SLC35F4: variants seen among roughly 807,000 people sequenced by gnomAD.
The protein encoded by SLC35F4 is solute carrier family 35 member F4.
In SLC35F4, 24 loss-of-function variants were observed where a neutral mutation model predicts 44.2. The observed-to-expected ratio is 0.54, with a 90% CI of 0.39 to 0.76. The LOEUF is 0.76. Among genes scored for constraint, SLC35F4 ranks in the 30% least tolerant of loss-of-function variants. The pLI, the probability that SLC35F4 is intolerant of heterozygous loss-of-function variation, is 0.00. For synonymous variants in SLC35F4, 238 were observed against 223.6 expected (o/e 1.06, Z -0.57); for missense variants, 562 against 586.1 (o/e 0.96, Z 0.42).
intron 1 of SLC35F4, among the ~76,000 whole-genome samples, chr14:57,928,450 T>C (rs777727942): frequency 6.6e-6 from 1 of 152,150 alleles, no homozygotes; most frequent in African/African-American, 2.4e-5. Context: ...GAGCCGGAAC[T>C]CCCACACCCA....
intron 1 of SLC35F4, among the ~76,000 whole-genome samples, chr14:57,772,170 G>A (rs1770123307): frequency 6.6e-6 from 1 of 152,162 alleles, no homozygotes; most frequent in South Asian, 2.1e-4. Flanking sequence ...CTGTCAGAAA[G>A]CAAAATGCCA....
intron 1 of SLC35F4, among the ~76,000 whole-genome samples, chr14:57,937,873 G>A (rs2141070894): frequency 6.6e-6 from 1 of 152,176 alleles, no homozygotes; most frequent in South Asian, 2.1e-4. Context: ...GCAGCATCAA[G>A]TCACATATTA....
In SLC35F4 at chr14:57,783,881, A is replaced by G. The variant is rs374416019; in HGVS notation, c.103+81842T>C. On this transcript the variant is annotated intron_variant, in intron 1 of 7. Transcript: ENST00000556826. ...TATTCTATGAAAGATTGTCAACACT[A>G]TGGAAGAGAACCCTGACAGAGAGAA... Among the ~76,000 whole-genome samples, 159 of 152,318 alleles carry G rather than the reference A, an allele frequency of 1.0e-3. No homozygotes were observed. The South Asian group carries it at 0.011, about 11-fold the overall frequency.
intron 1 of SLC35F4, among the ~76,000 whole-genome samples, chr14:57,952,348 C>T (rs1890157063): frequency 6.6e-6 from 1 of 152,218 alleles, no homozygotes; most frequent in South Asian, 2.1e-4. Context: ...CACAAAAAGG[C>T]TGAAAATTCC....
Position 57,922,134 on chromosome 14 carries a change from C to A in SLC35F4, n.282+59779G>T, listed in dbSNP as rs1199190403. Among the ~76,000 whole-genome samples the A allele has an allele frequency of 2.0e-5, 3 of 152,138 alleles. No individual in the cohort carries two copies. In the East Asian group the frequency reaches 5.8e-4, roughly 29 times the overall value. On this transcript the variant is annotated intron_variant and non_coding_transcript_variant, in intron 1 of 1. Transcript: ENST00000556568. ...CAATGGATCCCACTGCAGGGTGCAA[C>A]CCTCTGGGCCAGGTCACAGGGAGCT...
chr14:57,686,490 C>T (rs2075072220), intron 1 of SLC35F4, among the ~76,000 whole-genome samples: 2 of 152,170 alleles, frequency 1.3e-5, no homozygotes, highest in Non-Finnish European at 2.9e-5. Flanking sequence ...TTTAACAGCT[C>T]CCTCCTCTCC....
upstream of SLC35F4, chr14:57,866,130 G>T (rs1025149232): frequency 1.1e-5 from 2 of 181,140 alleles, no homozygotes; most frequent in Admixed American, 6.3e-5. Flanking sequence ...GTGGCCGGGG[G>T]CGGGTGTGGG....
chr14:57,727,682 C>A (rs79365640), intron 1 of SLC35F4, among the ~76,000 whole-genome samples: 1 of 151,980 alleles, frequency 6.6e-6, no homozygotes, highest in East Asian at 1.9e-4. Context: ...AATTTCTATG[C>A]GTTTTTATAG....
At chr14:57,979,423 C>G (rs751300765) in intron 1 of SLC35F4, among the ~76,000 whole-genome samples, 1 of 152,150 alleles carries the variant, frequency 6.6e-6, no homozygotes. Flanking sequence ...AATTCTTATT[C>G]CAGCTGGTGT....
upstream of SLC35F4, among the ~76,000 whole-genome samples, chr14:57,868,031 CT>C (rs1422166412): frequency 6.6e-6 from 1 of 152,098 alleles, no homozygotes; most frequent in African/African-American, 2.4e-5. Flanking sequence ...CTTCTTCCTG[CT>C]TTTGCTTTAT....
intron 1 of SLC35F4, among the ~76,000 whole-genome samples, chr14:57,638,582 G>T (rs967461713): frequency 2.0e-5 from 3 of 152,070 alleles, no homozygotes; most frequent in African/African-American, 7.2e-5. Context: ...CCAAACTGCA[G>T]GGTGAACCCT....
chr14:57,795,396 T>C (rs1318610926), intron 1 of SLC35F4, among the ~76,000 whole-genome samples: 1 of 152,170 alleles, frequency 6.6e-6, no homozygotes, highest in African/African-American at 2.4e-5. Flanking sequence ...AAGAACCTAA[T>C]GTGCATAAGG....
intron 1 of SLC35F4, among the ~76,000 whole-genome samples, chr14:57,905,038 GT>G (rs1351823153): frequency 6.6e-6 from 1 of 152,218 alleles, no homozygotes; most frequent in Admixed American, 6.5e-5. Context: ...ATAATCTCAT[GT>G]TATGTGGGTC....
At chr14:57,715,276 C>G (rs574904384) in intron 1 of SLC35F4, among the ~76,000 whole-genome samples, 1 of 152,132 alleles carries the variant, frequency 6.6e-6, no homozygotes, top group African/African-American at 2.4e-5. Flanking sequence ...GTTCAGATGG[C>G]TAACCACAAG....
chr14:57,588,794 A>AT (rs1230161377), intron 3 of SLC35F4, among the ~76,000 whole-genome samples: 3 of 152,162 alleles, frequency 2.0e-5, no homozygotes, highest in East Asian at 1.9e-4. Context: ...TATTAATACC[A>AT]TTTTTTTCTG....
chr14:57,580,155 AT>A (rs2069142030), intron 4 of SLC35F4, among the ~76,000 whole-genome samples: 1 of 152,152 alleles, frequency 6.6e-6, no homozygotes, highest in African/African-American at 2.4e-5. Context: ...ATGAAGCTTC[AT>A]TTCTAAATTT....
chr14:57,882,251 T>C (rs1417407407), intron 1 of SLC35F4, among the ~76,000 whole-genome samples: 1 of 152,168 alleles, frequency 6.6e-6, no homozygotes, highest in African/African-American at 2.4e-5. Flanking sequence ...TGCCCCTACT[T>C]TGGTGTATTT....
chr14:57,904,914 A>G (rs1318074732), intron 1 of SLC35F4, among the ~76,000 whole-genome samples: 1 of 152,208 alleles, frequency 6.6e-6, no homozygotes, highest in East Asian at 1.9e-4. Flanking sequence ...AAAGACCACA[A>G]AGAAAAGGCT....
intron 1 of SLC35F4, chr14:57,977,004 T>C (rs1283491063): frequency 6.6e-6 from 1 of 152,116 alleles, no homozygotes; most frequent in African/African-American, 2.4e-5. Context: ...GTAAGACATA[T>C]ATGTGCTAAG....
Sources: allele counts gnomAD v4.1 joint callset (sites outside exome capture counted in the v4.1 genomes callset), GRCh38; gene constraint gnomAD v4.1.1; transcripts MANE v1.5; gene names NCBI Gene and HGNC (gene_info 2026-07-23, HGNC 2026-07-21).